Variants in PPFIBP1 observed in about 807,000 individuals in gnomAD.
PPFIBP1 encodes the protein liprin-beta-1.
In PPFIBP1, 112 loss-of-function variants were observed where a neutral mutation model predicts 137.8. That is an observed-to-expected ratio of 0.81 (90% confidence interval 0.70 to 0.95). The LOEUF (loss-of-function observed/expected upper bound fraction) is 0.95. Among genes scored for constraint, PPFIBP1 ranks in the 40% least tolerant of loss-of-function variants. PPFIBP1 has a pLI of 0.00. For synonymous variants in PPFIBP1, 378 were observed against 417.3 expected (o/e 0.91, Z 1.15); for missense variants, 1,083 against 1,196.6 (o/e 0.91, Z 1.40).
intron 1 of PPFIBP1, among the ~76,000 whole-genome samples, chr12:27,571,140 T>G (rs1206108655): frequency 6.6e-6 from 1 of 152,184 alleles, no homozygotes; most frequent in East Asian, 1.9e-4. Flanking sequence ...AGGGTCCTTC[T>G]GTGTCATGAA....
intron 8 of PPFIBP1, among the ~76,000 whole-genome samples, 187 bp from the exon 9 acceptor site, chr12:27,656,429 G>A (rs1300901670): frequency 6.6e-6 from 1 of 152,114 alleles, no homozygotes; most frequent in African/African-American, 2.4e-5. Context: ...TTATAAACAG[G>A]ACTTCTACTA....
intron 4 of PPFIBP1, chr12:27,636,073 C>T (rs1026586067): frequency 5.9e-5 from 9 of 152,206 alleles, no homozygotes; most frequent in African/African-American, 1.7e-4. Context: ...ACATGAAAAC[C>T]GCTTGCTTTG....
intron 1 of PPFIBP1, among the ~76,000 whole-genome samples, chr12:27,576,637 T>C (rs1237114072): frequency 6.6e-6 from 1 of 152,192 alleles, no homozygotes; most frequent in African/African-American, 2.4e-5. Flanking sequence ...TATTTTACCA[T>C]AAAGGCCCTA....
At chr12:27,605,943 G>C (rs556399881) in intron 2 of PPFIBP1, among the ~76,000 whole-genome samples, 2 of 152,052 alleles carry the variant, frequency 1.3e-5, no homozygotes, top group African/African-American at 2.4e-5. Flanking sequence ...AGTTAAGATC[G>C]TACATTAGAA....
intron 1 of PPFIBP1, among the ~76,000 whole-genome samples, chr12:27,549,858 G>T (rs1804025203): frequency 6.6e-6 from 1 of 152,076 alleles, no homozygotes; most frequent in Admixed American, 6.5e-5. Context: ...CCTCACCAGG[G>T]AGAGTGCTAT....
At chr12:27,540,585 A>G (rs964634151) in intron 1 of PPFIBP1, among the ~76,000 whole-genome samples, 1 of 152,160 alleles carries the variant, frequency 6.6e-6, no homozygotes, top group South Asian at 2.1e-4. Context: ...ATTTCAGATC[A>G]TTCCTGTCTA....
intron 3 of PPFIBP1, among the ~76,000 whole-genome samples, chr12:27,634,114 C>T (rs555286855): frequency 2.6e-4 from 39 of 147,658 alleles, no homozygotes; most frequent in Non-Finnish European, 4.8e-4. Context: ...GGATTACAGG[C>T]GTGAGCCACC....
intron 2 of PPFIBP1, among the ~76,000 whole-genome samples, chr12:27,596,071 TACACAC>T (rs376577510): frequency 6.9e-5 from 9 of 130,704 alleles, no homozygotes; most frequent in Admixed American, 2.4e-4. Flanking sequence ...TGGGTATAAA[TACACAC>T]ACACACACAC....
At chr12:27,593,122 A>AAC (rs1555206210) in intron 2 of PPFIBP1, among the ~76,000 whole-genome samples, 9 of 118,414 alleles carry the variant, frequency 7.6e-5, no homozygotes, top group African/African-American at 2.5e-4. Context: ...ACGGAGAAAG[A>AAC]ATGTCTCAAA....
intron 26 of PPFIBP1, among the ~76,000 whole-genome samples, chr12:27,688,743 C>T (rs1301276387): frequency 1.3e-5 from 2 of 152,230 alleles, no homozygotes; most frequent in Non-Finnish European, 2.9e-5. Flanking sequence ...GGAGGTGGCT[C>T]CCACAGACAG....
intron 2 of PPFIBP1, among the ~76,000 whole-genome samples, chr12:27,579,327 A>G: frequency 6.6e-6 from 1 of 152,188 alleles, no homozygotes. Context: ...TGCGTAGAGG[A>G]AAGTGCACAC....
chr12:27,527,862 C>T (rs1189327466), intron 1 of PPFIBP1, among the ~76,000 whole-genome samples: 6 of 152,066 alleles, frequency 3.9e-5, no homozygotes, highest in African/African-American at 1.4e-4. Flanking sequence ...TATTTTTAAC[C>T]GTGGCCAAAC....
At chr12:27,666,629 G>A (rs4931235) in intron 12 of PPFIBP1, among the ~76,000 whole-genome samples, 114,443 of 152,216 alleles carry the variant, frequency 0.75, 43,260 homozygotes, top group East Asian at 0.89. Flanking sequence ...TCCATCAGAC[G>A]TTTTTTGCTT....
At chr12:27,580,837 G>A (rs1257893652) in intron 2 of PPFIBP1, among the ~76,000 whole-genome samples, 10 of 152,120 alleles carry the variant, frequency 6.6e-5, no homozygotes, top group African/African-American at 2.4e-4. Flanking sequence ...AAAGAGACCA[G>A]TGGAGCTGAG....
chr12:27,635,285 A>T (rs953842850), intron 4 of PPFIBP1, 170 bp downstream of exon 4: 5 of 667,422 alleles, frequency 7.5e-6, no homozygotes, highest in Admixed American at 2.9e-5. Flanking sequence ...AACTTTTTAA[A>T]AAGTGCTATT....
rs775123825 is a variant in PPFIBP1 at position 27,570,056 on chromosome 12, C to T, written c.-123-8096C>T. Among the ~76,000 whole-genome samples, 11 of 152,152 alleles carry T rather than the reference C, an allele frequency of 7.2e-5. No homozygotes were observed. In the East Asian group the frequency reaches 1.3e-3, roughly 19 times the overall value. On this transcript the variant is annotated intron_variant, in intron 1 of 29. Coordinates refer to ENST00000228425, the MANE Select transcript of PPFIBP1 (RefSeq NM_003622.4). The stretch of plus-strand genomic sequence containing the variant: ...ATTTAGAGTTCTACAACATCGCCAC[C>T]GGTGAGAGTTAGGATTTTTTGTGTG...
intron 5 of PPFIBP1, chr12:27,646,362 C>G: frequency 1.7e-6 from 1 of 576,336 alleles, no homozygotes; most frequent in Non-Finnish European, 3.3e-6. Flanking sequence ...ATCCTCAGCT[C>G]TTGCAGGACC....
chr12:27,558,639 G>A (rs1019442546), intron 1 of PPFIBP1, among the ~76,000 whole-genome samples: 11 of 148,894 alleles, frequency 7.4e-5, no homozygotes, highest in East Asian at 5.9e-4. Flanking sequence ...ATACACACAC[G>A]CTGCCTAGAG....
intron 2 of PPFIBP1, among the ~76,000 whole-genome samples, chr12:27,579,703 G>A (rs1354338168): frequency 6.6e-6 from 1 of 152,144 alleles, no homozygotes; most frequent in Non-Finnish European, 1.5e-5. Context: ...TTCTATGAAT[G>A]TGTTGTGCAT....
Sources: allele counts gnomAD v4.1 joint callset (sites outside exome capture counted in the v4.1 genomes callset), GRCh38; gene constraint gnomAD v4.1.1; transcripts MANE v1.5; gene names NCBI Gene and HGNC (gene_info 2026-07-23, HGNC 2026-07-21).